ATP8A2: variants seen among roughly 807,000 people sequenced by gnomAD.
The protein encoded by ATP8A2 is phospholipid-transporting ATPase IB.
In ATP8A2, 100 loss-of-function variants were observed where a neutral mutation model predicts 165.6. The ratio of observed to expected loss-of-function variants is 0.60; its 90% CI spans 0.51 to 0.71. The LOEUF (loss-of-function observed/expected upper bound fraction) is 0.71, where lower values mean the gene tolerates loss of function less well. Ranked by LOEUF, ATP8A2 falls within the 30% of genes least tolerant of loss-of-function variation. The pLI, the probability that ATP8A2 is intolerant of heterozygous loss-of-function variation, is 0.00. For synonymous variants in ATP8A2, 543 were observed against 548.8 expected, an observed-to-expected ratio of 0.99 and a Z score of 0.15; for missense variants, 1,227 against 1,479.5, an observed-to-expected ratio of 0.83 and a Z score of 2.80.
chr13:25,447,494 G>T (rs1377224998), intron 1 of ATP8A2, among the ~76,000 whole-genome samples: 1 of 152,218 alleles, frequency 6.6e-6, no homozygotes, highest in Non-Finnish European at 1.5e-5. Flanking sequence ...TGTGGAATGG[G>T]AAGCTCACAG....
intron 27 of ATP8A2, among the ~76,000 whole-genome samples, chr13:25,781,732 T>C (rs1162942834): frequency 6.6e-6 from 1 of 152,164 alleles, no homozygotes; most frequent in African/African-American, 2.4e-5. Flanking sequence ...CCTCAAGTGA[T>C]CCACCCGCCT....
intron 19 of ATP8A2, among the ~76,000 whole-genome samples, chr13:25,576,761 TAG>T (rs2039630063): frequency 6.6e-6 from 1 of 152,070 alleles, no homozygotes; most frequent in South Asian, 2.1e-4. Flanking sequence ...TTTTAGAGAG[TAG>T]AGTCAGAAGT....
In ATP8A2 at chr13:25,593,505, A is replaced by C. The variant is rs565004284; in HGVS notation, c.2211+3806A>C. On this transcript the variant is annotated intron_variant, in intron 24 of 36. Transcript: ENST00000381655. ...TGAACAAGGTGGAGTGATGGTGTGCACCCCAGGGGGACACTAGATGATATA... is the reference window on the plus strand; with the variant it reads ...TGAACAAGGTGGAGTGATGGTGTGCCCCCCAGGGGGACACTAGATGATATA... Among the ~76,000 whole-genome samples the C allele has an allele frequency of 1.5e-3, 233 of 152,292 alleles. 1 individual carries two copies. Among genetic ancestry groups the C allele is most frequent in the Middle Eastern group, 3.4e-3 (1 of 294 alleles).
At chr13:25,595,030 G>T (rs28509206) in intron 24 of ATP8A2, among the ~76,000 whole-genome samples, 2 of 146,646 alleles carry the variant, frequency 1.4e-5, no homozygotes, top group African/African-American at 5.0e-5. Flanking sequence ...ATATGTATAT[G>T]TATATATATA....
At chr13:25,530,144 A>C in intron 3 of ATP8A2, 46 bp downstream of exon 3, 1 of 1,239,166 alleles carries the variant, frequency 8.1e-7, no homozygotes, top group Non-Finnish European at 1.2e-6. Flanking sequence ...AATTACATGT[A>C]AAATGAGATT....
chr13:25,954,024 A>G (rs1955453311), intron 33 of ATP8A2, among the ~76,000 whole-genome samples: 1 of 151,918 alleles, frequency 6.6e-6, no homozygotes, highest in Non-Finnish European at 1.5e-5. Flanking sequence ...ACTTCCCTGG[A>G]AAGGGGGCTG....
At chr13:25,866,114 T>C (rs939984304) in intron 33 of ATP8A2, among the ~76,000 whole-genome samples, 1 of 152,184 alleles carries the variant, frequency 6.6e-6, no homozygotes, top group African/African-American at 2.4e-5. Flanking sequence ...GGTCAGGAAA[T>C]GTGTTTCTGT....
At chr13:25,577,179 C>T (rs2138214648) in intron 20 of ATP8A2, 41 bp downstream of exon 20, 2 of 1,544,808 alleles carry the variant, frequency 1.3e-6, no homozygotes, top group East Asian at 4.5e-5. Context: ...GAGTTCTTGG[C>T]AGCTTTGTTA....
chr13:25,952,122 A>G (rs1483407769), intron 33 of ATP8A2, among the ~76,000 whole-genome samples: 1 of 152,204 alleles, frequency 6.6e-6, no homozygotes, highest in East Asian at 1.9e-4. Context: ...GCATTCACAC[A>G]GGGCTTCTGA....
chr13:25,503,370 AG>A (rs1232064514), intron 2 of ATP8A2, among the ~76,000 whole-genome samples: 1 of 152,218 alleles, frequency 6.6e-6, no homozygotes, highest in Non-Finnish European at 1.5e-5. Context: ...GAGGTTGGAA[AG>A]GGTGGTCGGC....
chr13:25,932,672 C>T (rs1184567250), intron 33 of ATP8A2, among the ~76,000 whole-genome samples: 3 of 152,150 alleles, frequency 2.0e-5, no homozygotes, highest in African/African-American at 7.2e-5. Context: ...CTGGATTATT[C>T]AATTAGGTAT....
intron 33 of ATP8A2, among the ~76,000 whole-genome samples, chr13:25,882,315 A>G (rs187197816): frequency 6.2e-4 from 95 of 152,326 alleles, no homozygotes; most frequent in African/African-American, 2.2e-3. Flanking sequence ...TCATTATTTG[A>G]AAAGATTAAG....
rs541315521 is a variant in ATP8A2, at chr13:25,789,474, A to C, written c.2679+14515A>C. ...AGTCAAGTCAAGAGTCAAATCGGGA[A>C]AACAATGTCATTCACAAATGCCACA... is the stretch of plus-strand genomic sequence containing the variant. On this transcript the variant is annotated intron_variant, in intron 27 of 36. Transcript: ENST00000381655. 2.6e-5 allele frequency among the ~76,000 whole-genome samples: 4 copies of C among 152,318 alleles called. No individual in the cohort carries two copies. The East Asian group carries it at 5.8e-4, about 22-fold the overall frequency.
At chr13:25,382,351 T>A (rs998847660) in intron 1 of ATP8A2, among the ~76,000 whole-genome samples, 3 of 152,248 alleles carry the variant, frequency 2.0e-5, no homozygotes, top group Non-Finnish European at 4.4e-5. Flanking sequence ...ACATCTTGGG[T>A]GCTTTCACTT....
At chr13:25,547,162 A>G (rs6491060) in intron 10 of ATP8A2, among the ~76,000 whole-genome samples, 101,210 of 151,480 alleles carry the variant, frequency 0.67, 35,010 homozygotes, top group African/African-American at 0.76. Flanking sequence ...AAAATAAAAA[A>G]TAAACAAATA....
chr13:25,743,795 T>G (rs1196899821), intron 25 of ATP8A2, among the ~76,000 whole-genome samples: 1 of 152,198 alleles, frequency 6.6e-6, no homozygotes, highest in African/African-American at 2.4e-5. Context: ...TTTCTTAACC[T>G]TAGCAAGAAC....
chr13:25,471,109 A>T (rs1027690014), intron 2 of ATP8A2, among the ~76,000 whole-genome samples: 2 of 152,168 alleles, frequency 1.3e-5, no homozygotes, highest in Non-Finnish European at 2.9e-5. Flanking sequence ...ACCTTCTCGC[A>T]TGTGTTTCTA....
In ATP8A2 at chr13:25,798,396, T is replaced by G. The variant is rs115007003; in HGVS notation, c.2679+23437T>G. Among the ~76,000 whole-genome samples the G allele has an allele frequency of 5.8e-3, 888 of 152,300 alleles. 11 individuals carry two copies. The highest frequency in any genetic ancestry group is 0.02 in the African/African-American group (825 of 41,560). On this transcript the variant is annotated intron_variant, in intron 27 of 36. Coordinates refer to ENST00000381655, the MANE Select transcript of ATP8A2 (RefSeq NM_016529.6). ...TTTAGGGGAGGGCACAGGAACATGA[T>G]GGCATGGTGTTACATTTGGTGATTT...
chr13:25,646,780 T>G (rs1395330994), intron 24 of ATP8A2, among the ~76,000 whole-genome samples: 1 of 152,116 alleles, frequency 6.6e-6, no homozygotes, highest in Non-Finnish European at 1.5e-5. Context: ...TTTGTCAGTT[T>G]TGTTCTGGTT....
Sources: gnomAD v4.1 joint callset for allele counts (sites outside exome capture counted in the v4.1 genomes callset) on GRCh38, gnomAD v4.1.1 for gene constraint, MANE v1.5 for transcripts, NCBI Gene and HGNC (gene_info 2026-07-23, HGNC 2026-07-21) for gene names.